The following SNTG1 variants were observed in gnomAD, a reference collection of about 807,000 sequenced individuals.
SNTG1 encodes gamma-1-syntrophin.
In SNTG1, 39 loss-of-function variants were observed where a neutral mutation model predicts 74.7. The ratio of observed to expected loss-of-function variants is 0.52; its 90% CI spans 0.40 to 0.68. SNTG1 has a LOEUF of 0.68. Ranked by LOEUF, SNTG1 falls within the 30% of genes least tolerant of loss-of-function variation. The pLI is 0.00. For missense variants in SNTG1, 685 were observed against 609.5 expected (o/e 1.12, Z -1.30); for synonymous variants, 254 against 217.1 (o/e 1.17, Z -1.49).
At chr8:50,482,636 A>G (rs372839693) in intron 8 of SNTG1, among the ~76,000 whole-genome samples, 1 of 152,326 alleles carries the variant, frequency 6.6e-6, no homozygotes, top group Admixed American at 6.5e-5. Flanking sequence ...ATTCATTTAG[A>G]GAGTAGAGAG....
At chr8:50,734,638 A>G (rs1046774954) in intron 17 of SNTG1, among the ~76,000 whole-genome samples, 4 of 147,844 alleles carry the variant, frequency 2.7e-5, no homozygotes, top group Admixed American at 2.0e-4. Flanking sequence ...TCGCTCTCTC[A>G]TCTCTTTCTC....
At chr8:49,994,837 A>G (rs181978986) in intron 1 of SNTG1, among the ~76,000 whole-genome samples, 1 of 152,306 alleles carries the variant, frequency 6.6e-6, no homozygotes, top group East Asian at 1.9e-4. Context: ...AGAGAATTAA[A>G]GATAATGGCT....
At chr8:50,230,102 A>T (rs1016836834) in intron 2 of SNTG1, among the ~76,000 whole-genome samples, 1 of 151,470 alleles carries the variant, frequency 6.6e-6, no homozygotes, top group Non-Finnish European at 1.5e-5. Context: ...GGTGATTTAC[A>T]GCATTAACAA....
chr8:50,604,980 G>T (rs1402428687), intron 13 of SNTG1, among the ~76,000 whole-genome samples: 1 of 152,044 alleles, frequency 6.6e-6, no homozygotes, highest in Non-Finnish European at 1.5e-5. Flanking sequence ...CCCCAGACTG[G>T]GTCCCTCCCT....
chr8:50,509,943 C>T (rs2094051189), intron 9 of SNTG1, among the ~76,000 whole-genome samples: 1 of 152,138 alleles, frequency 6.6e-6, no homozygotes, highest in Non-Finnish European at 1.5e-5. Context: ...TGCAGAGCTT[C>T]CAACACTATG....
At chr8:50,703,181 T>G in intron 15 of SNTG1, among the ~76,000 whole-genome samples, 1 of 152,210 alleles carries the variant, frequency 6.6e-6, no homozygotes, top group African/African-American at 2.4e-5. Flanking sequence ...CAAAGTTAAT[T>G]TTTTCAACTT....
intron 2 of SNTG1, among the ~76,000 whole-genome samples, chr8:50,302,656 T>A (rs2089703162): frequency 6.6e-6 from 1 of 152,188 alleles, no homozygotes; most frequent in African/African-American, 2.4e-5. Context: ...ATCTTGGGTG[T>A]GAACTCCTGA....
chr8:50,328,054 C>A (rs1012526365), intron 2 of SNTG1, among the ~76,000 whole-genome samples: 1 of 151,898 alleles, frequency 6.6e-6, no homozygotes, highest in Non-Finnish European at 1.5e-5. Context: ...TTTTAACAAA[C>A]GTTTTGCTGT....
At chr8:49,975,538 T>G (rs1175422963) in intron 1 of SNTG1, among the ~76,000 whole-genome samples, 1 of 152,158 alleles carries the variant, frequency 6.6e-6, no homozygotes, top group Non-Finnish European at 1.5e-5. Flanking sequence ...TAATTTTTTT[T>G]TCTTATTACT....
chr8:50,091,979 T>TA (rs1054011079), intron 1 of SNTG1, among the ~76,000 whole-genome samples: 12 of 151,974 alleles, frequency 7.9e-5, no homozygotes, highest in African/African-American at 2.2e-4. Flanking sequence ...ACGCCCAGTC[T>TA]AAAAAAAACA....
At chr8:50,394,381 T>C in intron 3 of SNTG1, 116 bp downstream of exon 3, 1 of 986,322 alleles carries the variant, frequency 1.0e-6, no homozygotes, top group South Asian at 1.6e-5. Flanking sequence ...GAGAGGAGGA[T>C]GGGCTCTTTT....
At chr8:50,549,034 A>G (rs2094407840) in intron 11 of SNTG1, among the ~76,000 whole-genome samples, 1 of 152,174 alleles carries the variant, frequency 6.6e-6, no homozygotes, top group African/African-American at 2.4e-5. Context: ...ATCTCAGACA[A>G]AGGAGTACTG....
At chr8:50,745,078 G>A (rs761968762) in intron 17 of SNTG1, among the ~76,000 whole-genome samples, 2 of 151,946 alleles carry the variant, frequency 1.3e-5, no homozygotes, top group African/African-American at 4.8e-5. Flanking sequence ...AATGACTTTT[G>A]TACATCAAAG....
At chr8:50,338,063 G>A (rs914988282) in intron 2 of SNTG1, among the ~76,000 whole-genome samples, 1 of 137,684 alleles carries the variant, frequency 7.3e-6, no homozygotes, top group Non-Finnish European at 1.6e-5. Flanking sequence ...GTGAACCTGG[G>A]AGGCGGAGCT....
At chr8:50,716,864 C>T (rs753087176) in intron 17 of SNTG1, among the ~76,000 whole-genome samples, 1 of 151,962 alleles carries the variant, frequency 6.6e-6, no homozygotes, top group Non-Finnish European at 1.5e-5. Flanking sequence ...TCCTGAGTAA[C>T]TGGGACTACA....
intron 2 of SNTG1, among the ~76,000 whole-genome samples, chr8:50,245,689 A>C (rs1586827602): frequency 6.6e-6 from 1 of 152,128 alleles, no homozygotes; most frequent in Non-Finnish European, 1.5e-5. Flanking sequence ...TCTCAAACAA[A>C]CAAACAGACA....
At chr8:50,671,199 T>C (rs2095280396) in intron 15 of SNTG1, among the ~76,000 whole-genome samples, 1 of 151,936 alleles carries the variant, frequency 6.6e-6, no homozygotes, top group Non-Finnish European at 1.5e-5. Context: ...AAATGGGATC[T>C]AATTAAACTA....
chr8:50,657,498 G>A (rs2095190606), intron 14 of SNTG1, among the ~76,000 whole-genome samples: 1 of 152,068 alleles, frequency 6.6e-6, no homozygotes, highest in African/African-American at 2.4e-5. Flanking sequence ...AATTTATTCA[G>A]CACTTTTAAT....
chr8:50,197,130 G>T (rs542926406), intron 2 of SNTG1, among the ~76,000 whole-genome samples: 1 of 152,226 alleles, frequency 6.6e-6, no homozygotes, highest in South Asian at 2.1e-4. Context: ...TAGCAAAAAT[G>T]ATTGTTATTT....
Sources: allele counts gnomAD v4.1 joint callset (sites outside exome capture counted in the v4.1 genomes callset), GRCh38; gene constraint gnomAD v4.1.1; transcripts MANE v1.5; gene names NCBI Gene and HGNC (gene_info 2026-07-23, HGNC 2026-07-21).